The following KCNJ16 variants were observed in gnomAD, a reference collection of about 807,000 sequenced individuals.
The protein encoded by KCNJ16 is potassium inwardly rectifying channel subfamily J member 16.
Under a neutral mutation model 18.5 loss-of-function variants are expected in KCNJ16, and 15 were observed. The observed-to-expected ratio is 0.81, with a 90% CI of 0.54 to 1.25. KCNJ16 has a LOEUF of 1.25. Among genes scored for constraint, KCNJ16 ranks in the 50% most tolerant of loss-of-function variants. The probability of loss-of-function intolerance (pLI) is 0.00; values close to 1 mark genes in which losing one functional copy is unlikely to be tolerated. For missense variants in KCNJ16, 523 were observed against 525.7 expected, an observed-to-expected ratio of 0.99 and a Z score of 0.05; for synonymous variants, 174 against 186.5, an observed-to-expected ratio of 0.93 and a Z score of 0.55.
At chr17:70,101,018 A>G (rs1310431112) in intron 2 of KCNJ16, 1 of 152,204 alleles carries the variant, frequency 6.6e-6, no homozygotes, top group Admixed American at 6.5e-5. Flanking sequence ...AAGAAATGCT[A>G]TTTATATATT....
At chr17:70,081,966 A>G (rs1250833641) in intron 1 of KCNJ16, among the ~76,000 whole-genome samples, 3 of 152,200 alleles carry the variant, frequency 2.0e-5, no homozygotes, top group Admixed American at 1.3e-4. Context: ...GCCACTCAGT[A>G]AACAGAAGGT....
chr17:70,108,480 A>AT lies in KCNJ16; in HGVS notation c.-191+7714_-191+7715insT. Reference sequence around the variant, plus strand: ...GTGTGCATAGTTTAAAAGACAAATCAGTCATTTTGCATGTTGATATCTATA... The same window carrying AT: ...GTGTGCATAGTTTAAAAGACAAATCATGTCATTTTGCATGTTGATATCTATA... On this transcript the variant is annotated intron_variant, in intron 2 of 3. Transcript: ENST00000392671. 4 of 152,242 alleles carry AT rather than the reference A, an allele frequency of 2.6e-5. No individual in the cohort carries two copies. In the South Asian group the frequency reaches 8.3e-4, roughly 32 times the overall value. 9.4% of individuals were successfully genotyped at this position (152,242 alleles called of 1,614,324 possible). A position where few individuals can be genotyped will look rare whatever the true frequency, so the allele number is the denominator to read the frequency against.
intron 1 of KCNJ16, among the ~76,000 whole-genome samples, chr17:70,089,970 G>A (rs2072009943): frequency 6.6e-6 from 1 of 152,336 alleles, no homozygotes; most frequent in Non-Finnish European, 1.5e-5. Flanking sequence ...CAGGGAAACT[G>A]GTGTAGTCCA....
intron 1 of KCNJ16, among the ~76,000 whole-genome samples, chr17:70,089,032 A>G (rs189100884): frequency 2.0e-5 from 3 of 152,324 alleles, no homozygotes; most frequent in Admixed American, 2.0e-4. Context: ...AGAACGTGTG[A>G]AAGTTTTCTT....
intron 2 of KCNJ16, among the ~76,000 whole-genome samples, chr17:70,118,716 A>G (rs1162464905): frequency 1.3e-5 from 2 of 152,232 alleles, no homozygotes; most frequent in African/African-American, 2.4e-5. Context: ...CCCATGATGA[A>G]AACACAAAAC....
chr17:70,098,120 A>T lies in KCNJ16; in HGVS notation c.-299-2538A>T, dbSNP rs145206535. On this transcript the variant is annotated intron_variant, in intron 1 of 3. Transcript: ENST00000392671. ...ACTTCTCCCCATTTTAGATCCCAGG[A>T]TGCAGCCAAGTAATAATTTAAAAAA... 8.7e-3 allele frequency among the ~76,000 whole-genome samples: 1,328 copies of T among 152,316 alleles called. 7 individuals are homozygous for T. The highest frequency in any genetic ancestry group is 0.022 in the African/African-American group (902 of 41,568).
intron 1 of KCNJ16, among the ~76,000 whole-genome samples, chr17:70,096,382 A>C (rs993629582): frequency 6.6e-6 from 1 of 152,212 alleles, no homozygotes; most frequent in South Asian, 2.1e-4. Context: ...GGTCTCTCAT[A>C]TAAGATTGTT....
intron 1 of KCNJ16, among the ~76,000 whole-genome samples, chr17:70,088,563 T>C (rs1264945090): frequency 2.0e-5 from 3 of 152,190 alleles, no homozygotes; most frequent in Non-Finnish European, 2.9e-5. Flanking sequence ...TTAGAAATGG[T>C]AACATTCCCA....
chr17:70,079,849 C>A (rs1598078917), intron 1 of KCNJ16, among the ~76,000 whole-genome samples: 2 of 152,146 alleles, frequency 1.3e-5, no homozygotes, highest in Non-Finnish European at 2.9e-5. Context: ...ATTACAGGCA[C>A]CCACCACCAT....
chr17:70,118,430 A>T (rs535806422), intron 2 of KCNJ16, among the ~76,000 whole-genome samples: 2 of 152,226 alleles, frequency 1.3e-5, no homozygotes, highest in South Asian at 4.2e-4. Flanking sequence ...AAAATAAATA[A>T]ATAAACAAAT....
At chr17:70,078,526 TTTTTA>T (rs1188073426) in intron 1 of KCNJ16, among the ~76,000 whole-genome samples, 5 of 152,236 alleles carry the variant, frequency 3.3e-5, no homozygotes, top group African/African-American at 1.2e-4. Flanking sequence ...TCAGTTATCT[TTTTTA>T]TTTTAAGAAA....
At position 70,132,720 on chromosome 17, in the gene KCNJ16, G is replaced by T; in HGVS notation, c.633G>T (p.Val211=). The T allele has an allele frequency of 6.2e-7, 1 of 1,614,088 alleles. No homozygotes were observed. The highest frequency in any genetic ancestry group is 1.7e-4 in the Middle Eastern group (1 of 6,060). Residue 211 remains valine, a synonymous_variant, in exon 4 of 4, where the codon GTG becomes GTT. Coordinates refer to ENST00000392671, the MANE Select transcript of KCNJ16 (RefSeq NM_170741.4). Reference sequence around the variant, plus strand: ...TTGGTGATTTTCGGCCAAACCACGTGGTAGAAGGAACAGTTAGAGCCCAAC... The same window carrying T: ...TTGGTGATTTTCGGCCAAACCACGTTGTAGAAGGAACAGTTAGAGCCCAAC... ...WRIGDFRPNH[V]VEGTVRAQLL...
chr17:70,110,551 A>G (rs1052251701), intron 2 of KCNJ16, among the ~76,000 whole-genome samples: 58 of 152,170 alleles, frequency 3.8e-4, no homozygotes, highest in African/African-American at 1.3e-3. Flanking sequence ...GTTCTTCAGT[A>G]AGAGTCCAGC....
In KCNJ16 at chr17:70,133,540, C is replaced by A; in HGVS notation, c.*196C>A. ...AGTTATTAAAATTTTTCTTGTTCGC[C>A]AATTTTGTATTAAGAATGCTATTAA... On this transcript the variant is annotated 3_prime_UTR_variant, in exon 4 of 4. Transcript: ENST00000392671. 1 of 519,702 alleles carries A rather than the reference C, an allele frequency of 1.9e-6. No homozygotes were observed. Among genetic ancestry groups the A allele is most frequent in the Non-Finnish European group, 3.4e-6 (1 of 291,058 alleles). 32.2% of individuals were successfully genotyped at this position (519,702 alleles called of 1,614,324 possible). A position where few individuals can be genotyped will look rare whatever the true frequency, so the allele number is the denominator to read the frequency against.
chr17:70,087,175 TG>T (rs545726172), intron 1 of KCNJ16, among the ~76,000 whole-genome samples: 2 of 152,052 alleles, frequency 1.3e-5, no homozygotes, highest in South Asian at 4.2e-4. Context: ...CCCAAAGAGC[TG>T]GGATTATAGA....
intron 1 of KCNJ16, among the ~76,000 whole-genome samples, chr17:70,091,936 G>A (rs2072108109): frequency 6.6e-6 from 1 of 152,108 alleles, no homozygotes; most frequent in Non-Finnish European, 1.5e-5. Context: ...GTAATTTATT[G>A]GGTTGGAGGG....
At chr17:70,105,944 T>C (rs2072902252) in intron 2 of KCNJ16, among the ~76,000 whole-genome samples, 1 of 152,152 alleles carries the variant, frequency 6.6e-6, no homozygotes, top group Non-Finnish European at 1.5e-5. Context: ...CTGTTTAAAA[T>C]CCCTCCCCTG....
At chr17:70,120,522 A>G (rs568702634) in intron 2 of KCNJ16, among the ~76,000 whole-genome samples, 1 of 152,316 alleles carries the variant, frequency 6.6e-6, no homozygotes, top group South Asian at 2.1e-4. Flanking sequence ...ACTGGACAGT[A>G]AGCATAGTGC....
At chr17:70,086,549 A>AT (rs1220962052) in intron 1 of KCNJ16, among the ~76,000 whole-genome samples, 18 of 152,272 alleles carry the variant, frequency 1.2e-4, no homozygotes, top group Admixed American at 1.1e-3. Context: ...TTTATTCATC[A>AT]TTTTTTTCAA....
Sources: gnomAD v4.1 joint callset for allele counts (sites outside exome capture counted in the v4.1 genomes callset) on GRCh38, gnomAD v4.1.1 for gene constraint, MANE v1.5 for transcripts, NCBI Gene and HGNC (gene_info 2026-07-23, HGNC 2026-07-21) for gene names.